NOX4: variants seen among roughly 807,000 people sequenced by gnomAD.
The protein encoded by NOX4 is kidney oxidase-1.
In NOX4, 69 loss-of-function variants were observed where a neutral mutation model predicts 87.6. The observed-to-expected ratio is 0.79, with a 90% CI of 0.65 to 0.96. The LOEUF (loss-of-function observed/expected upper bound fraction) is 0.96. Among genes scored for constraint, NOX4 ranks in the 40% least tolerant of loss-of-function variants. The pLI is 0.00. For synonymous variants in NOX4, 275 were observed against 238.2 expected (o/e 1.15, Z -1.42); for missense variants, 680 against 681.5 (o/e 1.00, Z 0.02).
intron 2 of NOX4, among the ~76,000 whole-genome samples, chr11:89,465,347 C>G (rs1300148521): frequency 2.0e-5 from 3 of 152,062 alleles, no homozygotes; most frequent in African/African-American, 7.2e-5. Flanking sequence ...GTATTCCATG[C>G]TGTATTTGTG....
intron 14 of NOX4, among the ~76,000 whole-genome samples, chr11:89,341,124 C>CTTTTTT (rs994563200): frequency 1.6e-5 from 2 of 123,956 alleles, no homozygotes; most frequent in African/African-American, 3.2e-5. Flanking sequence ...ACAATTTCAC[C>CTTTTTT]TTTTTTTTTT....
the NOX4 span, among the ~76,000 whole-genome samples, chr11:89,526,169 C>G: frequency 6.6e-6 from 1 of 152,078 alleles, no homozygotes; most frequent in Non-Finnish European, 1.5e-5. Context: ...ATTTTTTTGA[C>G]TAATGTGGGT....
chr11:89,479,894 TG>T (rs1157154157), intron 2 of NOX4, among the ~76,000 whole-genome samples: 1 of 152,120 alleles, frequency 6.6e-6, no homozygotes. Flanking sequence ...TCACTACCTG[TG>T]TAATTTGCTC....
chr11:89,564,472 C>T, the NOX4 span, among the ~76,000 whole-genome samples: 1 of 152,170 alleles, frequency 6.6e-6, no homozygotes, highest in Non-Finnish European at 1.5e-5. Flanking sequence ...GTTCAATCAG[C>T]TCCTAGCAGG....
At chr11:89,564,226 A>G in the NOX4 span, among the ~76,000 whole-genome samples, 1 of 152,248 alleles carries the variant, frequency 6.6e-6, no homozygotes, top group Non-Finnish European at 1.5e-5. Flanking sequence ...TTTATAAAGA[A>G]AAGGGGTTTG....
chr11:89,538,536 A>G, the NOX4 span, among the ~76,000 whole-genome samples: 4 of 152,338 alleles, frequency 2.6e-5, no homozygotes, highest in South Asian at 8.3e-4. Flanking sequence ...CATGCCCAGC[A>G]AAACTTGGAA....
At chr11:89,511,114 T>C in the NOX4 span, among the ~76,000 whole-genome samples, 1 of 152,062 alleles carries the variant, frequency 6.6e-6, no homozygotes, top group Non-Finnish European at 1.5e-5. Context: ...ATTTATTTAA[T>C]TGACAAATAA....
intron 11 of NOX4, among the ~76,000 whole-genome samples, chr11:89,391,933 C>T (rs1022985225): frequency 1.4e-5 from 2 of 147,274 alleles, no homozygotes; most frequent in African/African-American, 5.0e-5. Flanking sequence ...CCTTCCCCTT[C>T]CCCTTCCCCT....
At chr11:89,333,994 CACAAACAGCCTA>C (rs1945593641) in intron 17 of NOX4, among the ~76,000 whole-genome samples, 1 of 151,628 alleles carries the variant, frequency 6.6e-6, no homozygotes, top group South Asian at 2.1e-4. Flanking sequence ...CGCTCTAAAA[CACAAACAGCCTA>C]ACAAATGAGA....
chr11:89,430,127 G>C (rs935811505), intron 7 of NOX4, among the ~76,000 whole-genome samples: 8 of 152,146 alleles, frequency 5.3e-5, no homozygotes, highest in African/African-American at 1.9e-4. Context: ...CATAGATGCA[G>C]AAAAGGCCTT....
rs199564312 is a variant in NOX4, at chr11:89,357,941, CAT to C, written c.1136-2900_1136-2899del. Among the ~76,000 whole-genome samples, 473 of 151,036 alleles carry C rather than the reference CAT, an allele frequency of 3.1e-3. 4 individuals carry two copies. Among genetic ancestry groups the C allele is most frequent in the African/African-American group, 0.011 (452 of 41,384 alleles). On this transcript the variant is annotated intron_variant, in intron 12 of 17. Transcript: ENST00000263317. ...GTGTGTGTGCATACACACACACACA[CAT>C]ACAGCAAAAGCAGCAAAAAAGACAT...
the NOX4 span, chr11:89,546,554 G>C: frequency 6.6e-6 from 1 of 152,122 alleles, no homozygotes; most frequent in Non-Finnish European, 1.5e-5. Context: ...AGTTTCTTAT[G>C]GTTTCTGTCT....
chr11:89,333,768 A>G (rs1320097327), intron 17 of NOX4, among the ~76,000 whole-genome samples: 1 of 151,814 alleles, frequency 6.6e-6, no homozygotes, highest in Admixed American at 6.6e-5. Context: ...ATGAGACCTG[A>G]AGAATGTTGA....
In NOX4 at chr11:89,334,602, A is replaced by T. The variant is rs11826204; in HGVS notation, c.1616+1243T>A. On this transcript the variant is annotated intron_variant, in intron 17 of 17. Coordinates refer to ENST00000263317, the MANE Select transcript of NOX4 (RefSeq NM_016931.5). Reference sequence around the variant, plus strand: ...CATGATTTCCTAAATTGGATTTTTTAAAAAATATCCATTTAATAAGCTGGC... The same window carrying T: ...CATGATTTCCTAAATTGGATTTTTTTAAAAATATCCATTTAATAAGCTGGC... Among the ~76,000 whole-genome samples, 1,073 of 151,836 alleles carry T rather than the reference A, an allele frequency of 7.1e-3. 14 individuals carry two copies. Among genetic ancestry groups the T allele is most frequent in the African/African-American group, 0.025 (1,032 of 41,504 alleles).
At chr11:89,517,084 G>A in the NOX4 span, among the ~76,000 whole-genome samples, 1 of 151,972 alleles carries the variant, frequency 6.6e-6, no homozygotes, top group East Asian at 1.9e-4. Flanking sequence ...TATGCAAAGG[G>A]CTTAAATGAC....
chr11:89,438,126 T>C (rs1392846836), intron 6 of NOX4, among the ~76,000 whole-genome samples: 1 of 150,340 alleles, frequency 6.7e-6, no homozygotes, highest in Non-Finnish European at 1.5e-5. Context: ...TGGGGACCTC[T>C]GGGAAAGGAC....
At chr11:89,429,748 GATTCACAGCCGA>G (rs1411207968) in intron 7 of NOX4, among the ~76,000 whole-genome samples, 1 of 151,988 alleles carries the variant, frequency 6.6e-6, no homozygotes, top group Non-Finnish European at 1.5e-5. Context: ...GGACCAGATG[GATTCACAGCCGA>G]ATTCTACCAG....
chr11:89,427,438 A>AGGGAC (rs1943492296), intron 7 of NOX4, among the ~76,000 whole-genome samples: 1 of 152,206 alleles, frequency 6.6e-6, no homozygotes, highest in African/African-American at 2.4e-5. Context: ...CTAAAGGAGG[A>AGGGAC]AGTTCGAACC....
chr11:89,582,965 T>A, the NOX4 span, among the ~76,000 whole-genome samples: 1 of 152,002 alleles, frequency 6.6e-6, no homozygotes. Context: ...GGTCTGGTCC[T>A]AGCCTGCTAT....
Sources: gnomAD v4.1 joint callset for allele counts (sites outside exome capture counted in the v4.1 genomes callset) on GRCh38, gnomAD v4.1.1 for gene constraint, MANE v1.5 for transcripts, NCBI Gene and HGNC (gene_info 2026-07-23, HGNC 2026-07-21) for gene names.